CTNNA1: variants seen among roughly 807,000 people sequenced by gnomAD.
CTNNA1 encodes the protein catenin alpha 1.
In CTNNA1, 37 loss-of-function variants were observed where a neutral mutation model predicts 98.4. The ratio of observed to expected loss-of-function variants is 0.38; its 90% CI spans 0.29 to 0.49. CTNNA1 has a LOEUF of 0.49. Ranked by LOEUF, CTNNA1 falls within the 20% of genes least tolerant of loss-of-function variation. The pLI is 0.95. For missense variants in CTNNA1, 761 were observed against 1,147.2 expected, an observed-to-expected ratio of 0.66 and a Z score of 4.86; for synonymous variants, 404 against 413.2, an observed-to-expected ratio of 0.98 and a Z score of 0.27.
intron 5 of CTNNA1, among the ~76,000 whole-genome samples, chr5:138,819,648 A>C (rs1296474602): frequency 6.6e-6 from 1 of 152,138 alleles, no homozygotes; most frequent in Non-Finnish European, 1.5e-5. Flanking sequence ...TGGATGCGTG[A>C]CTGCTCTGGG....
intron 7 of CTNNA1, among the ~76,000 whole-genome samples, chr5:138,865,144 C>T (rs867759812): frequency 1.2e-4 from 18 of 152,146 alleles, no homozygotes; most frequent in African/African-American, 3.6e-4. Context: ...TTGTACTCCT[C>T]GTGTAGAAGA....
intron 7 of CTNNA1, among the ~76,000 whole-genome samples, chr5:138,861,873 A>G (rs1419558280): frequency 6.6e-6 from 1 of 152,194 alleles, no homozygotes; most frequent in Admixed American, 6.5e-5. Flanking sequence ...TGTAGCTGAT[A>G]GGCACTTAGT....
intron 1 of CTNNA1, among the ~76,000 whole-genome samples, chr5:138,765,441 C>T (rs1175953301): frequency 6.6e-6 from 1 of 152,144 alleles, no homozygotes; most frequent in Non-Finnish European, 1.5e-5. Flanking sequence ...CTCTTCCTCC[C>T]AATGTGCTGG....
At chr5:138,819,343 A>G (rs1759779057) in intron 5 of CTNNA1, among the ~76,000 whole-genome samples, 1 of 152,082 alleles carries the variant, frequency 6.6e-6, no homozygotes, top group Non-Finnish European at 1.5e-5. Context: ...CGATTACTCT[A>G]CTCTGCAAGG....
At chr5:138,904,819 GC>G in intron 10 of CTNNA1, 1 of 159,592 alleles carries the variant, frequency 6.3e-6, no homozygotes, top group South Asian at 1.9e-4. Flanking sequence ...TTTTGGCCGG[GC>G]ACAGTGGCTC....
At chr5:138,907,803 G>T (rs1271088136) in intron 10 of CTNNA1, among the ~76,000 whole-genome samples, 1 of 152,138 alleles carries the variant, frequency 6.6e-6, no homozygotes, top group Non-Finnish European at 1.5e-5. Flanking sequence ...GGTGCTCAGT[G>T]CTTCTAGGAT....
intron 7 of CTNNA1, among the ~76,000 whole-genome samples, chr5:138,833,418 CAG>C (rs1168976060): frequency 1.3e-5 from 2 of 152,134 alleles, no homozygotes; most frequent in African/African-American, 4.8e-5. Flanking sequence ...CATCAGATTT[CAG>C]AGTTAGTATA....
chr5:138,925,489 G>A (rs952363003), intron 13 of CTNNA1, 82 bp downstream of exon 13: 16 of 1,521,482 alleles, frequency 1.1e-5, no homozygotes, highest in Admixed American at 3.8e-5. Flanking sequence ...TCTAGAACTC[G>A]GCAGATGCGG....
At chr5:138,819,038 T>A (rs1452634488) in intron 5 of CTNNA1, among the ~76,000 whole-genome samples, 1 of 149,438 alleles carries the variant, frequency 6.7e-6, no homozygotes, top group African/African-American at 2.5e-5. Flanking sequence ...TATGATTCTT[T>A]CCTTAGGGGG....
At chr5:138,802,012 T>C (rs1307387281) in intron 3 of CTNNA1, among the ~76,000 whole-genome samples, 1 of 152,206 alleles carries the variant, frequency 6.6e-6, no homozygotes, top group East Asian at 1.9e-4. Context: ...AAAGGAACTC[T>C]TGAAGATATT....
chr5:138,911,440 C>A (rs1264231501), intron 10 of CTNNA1, among the ~76,000 whole-genome samples: 2 of 151,382 alleles, frequency 1.3e-5, no homozygotes, highest in Non-Finnish European at 2.9e-5. Context: ...GAAAGATTAT[C>A]CTAGATTATC....
At chr5:138,785,067 T>A (rs1158392362) in intron 3 of CTNNA1, among the ~76,000 whole-genome samples, 1 of 150,248 alleles carries the variant, frequency 6.7e-6, no homozygotes, top group Non-Finnish European at 1.5e-5. Flanking sequence ...TTAATTAATT[T>A]TTTTTTTTTT....
chr5:138,827,793 T>C, intron 7 of CTNNA1, 75 bp downstream of exon 7: 1 of 1,557,058 alleles, frequency 6.4e-7, no homozygotes, highest in South Asian at 1.1e-5. Context: ...GGATCTGAGA[T>C]GTTTTCACTA....
chr5:138,889,062 T>G (rs1477609160), intron 9 of CTNNA1, among the ~76,000 whole-genome samples: 1 of 152,228 alleles, frequency 6.6e-6, no homozygotes, highest in Non-Finnish European at 1.5e-5. Flanking sequence ...ATAATCTTGT[T>G]CACAATAGTC....
At chr5:138,911,280 A>G (rs1205423252) in intron 10 of CTNNA1, among the ~76,000 whole-genome samples, 1 of 152,214 alleles carries the variant, frequency 6.6e-6, no homozygotes, top group Non-Finnish European at 1.5e-5. Context: ...GAAGAGGGAA[A>G]GAAGCAGAGA....
rs750764668 is a variant in CTNNA1 at position 138,827,649 on chromosome 5, G to A, written c.993G>A (p.Glu331=). Residue 331 remains glutamate, a synonymous_variant, in exon 7 of 18, where the codon GAG becomes GAA. Coordinates refer to ENST00000302763, the MANE Select transcript of CTNNA1 (RefSeq NM_001903.5). ...CCTGCACGCGTGATGACCGTCGTGAGCGAATTGTGGCAGAGTGTAATGCTG... is the reference window on the plus strand; with the variant it reads ...CCTGCACGCGTGATGACCGTCGTGAACGAATTGTGGCAGAGTGTAATGCTG... ...DSSCTRDDRR[E]RIVAECNAVR... is the part of the protein sequence containing the mutation. The A allele has an allele frequency of 5.6e-6, 9 of 1,614,134 alleles. No homozygotes were observed. The highest frequency in any genetic ancestry group is 7.6e-6 in the Non-Finnish European group (9 of 1,180,064).
chr5:138,773,432 A>C (rs1753760694), intron 1 of CTNNA1, among the ~76,000 whole-genome samples: 1 of 152,230 alleles, frequency 6.6e-6, no homozygotes, highest in South Asian at 2.1e-4. Context: ...CAGTGTCTTC[A>C]GGGACTTACA....
At chr5:138,850,006 ACT>A (rs920858255) in intron 7 of CTNNA1, among the ~76,000 whole-genome samples, 4 of 151,186 alleles carry the variant, frequency 2.6e-5, no homozygotes, top group African/African-American at 9.8e-5. Context: ...ACACACACAC[ACT>A]CTCTCTCTTA....
intron 7 of CTNNA1, among the ~76,000 whole-genome samples, chr5:138,849,453 G>A (rs1379981154): frequency 6.6e-6 from 1 of 152,136 alleles, no homozygotes; most frequent in East Asian, 1.9e-4. Flanking sequence ...AAACAAAGAC[G>A]GTAGGACAGG....
Sources: allele counts gnomAD v4.1 joint callset (sites outside exome capture counted in the v4.1 genomes callset), GRCh38; gene constraint gnomAD v4.1.1; transcripts MANE v1.5; gene names NCBI Gene and HGNC (gene_info 2026-07-23, HGNC 2026-07-21).